CBLB: variants seen among roughly 807,000 people sequenced by gnomAD.
CBLB encodes the protein E3 ubiquitin-protein ligase CBL-B.
CBLB carries 31 observed loss-of-function variants against 104.9 expected under a neutral mutation model. The ratio of observed to expected loss-of-function variants is 0.30; its 90% CI spans 0.22 to 0.40. The LOEUF is 0.40. Among genes scored for constraint, CBLB ranks in the 10% least tolerant of loss-of-function variants. The pLI, the probability that CBLB is intolerant of heterozygous loss-of-function variation, is 1.00. For synonymous variants in CBLB, 440 were observed against 422.6 expected (o/e 1.04, Z -0.51); for missense variants, 1,062 against 1,214.6 (o/e 0.87, Z 1.87).
At chr3:105,861,494 C>A (rs1242834640) in intron 2 of CBLB, among the ~76,000 whole-genome samples, 1 of 151,934 alleles carries the variant, frequency 6.6e-6, no homozygotes, top group East Asian at 1.9e-4. Flanking sequence ...GTGGAAGTTA[C>A]ATTTATTCGC....
At chr3:105,704,543 A>T (rs1042457570) in intron 10 of CBLB, among the ~76,000 whole-genome samples, 5 of 152,066 alleles carry the variant, frequency 3.3e-5, no homozygotes, top group South Asian at 4.1e-4. Flanking sequence ...TATATTATAA[A>T]TTTTTTTGCT....
intron 13 of CBLB, among the ~76,000 whole-genome samples, chr3:105,691,498 C>A (rs12489983): frequency 0.2 from 31,051 of 152,158 alleles, 3,695 homozygotes; most frequent in East Asian, 0.52. Context: ...ATGAAGCACA[C>A]TGCAACTTCC....
intron 3 of CBLB, among the ~76,000 whole-genome samples, chr3:105,829,522 A>G (rs2087104676): frequency 6.6e-6 from 1 of 151,924 alleles, no homozygotes; most frequent in South Asian, 2.1e-4. Context: ...AGCCAGGCAT[A>G]GTGGCATGTA....
intron 3 of CBLB, among the ~76,000 whole-genome samples, chr3:105,837,938 A>G (rs780086125): frequency 6.6e-6 from 1 of 152,162 alleles, no homozygotes; most frequent in Non-Finnish European, 1.5e-5. Flanking sequence ...CTAGGAATAC[A>G]TCAGGATTTT....
intron 3 of CBLB, among the ~76,000 whole-genome samples, chr3:105,815,848 T>C (rs544361960): frequency 5.2e-4 from 79 of 152,230 alleles, no homozygotes; most frequent in African/African-American, 1.5e-3. Context: ...ATATACACCA[T>C]GGAATACTAT....
chr3:105,768,583 A>G (rs899218473), intron 4 of CBLB, among the ~76,000 whole-genome samples: 2 of 152,246 alleles, frequency 1.3e-5, no homozygotes, highest in Non-Finnish European at 2.9e-5. Flanking sequence ...TGAGGCTAGC[A>G]TATGTGAAAG....
rs188443455 is a variant in CBLB, at chr3:105,665,228, C to A, written c.2689+5005G>T. Among the ~76,000 whole-genome samples the A allele has an allele frequency of 8.5e-4, 129 of 151,694 alleles. 1 individual carries two copies. In the East Asian group the frequency reaches 0.022, roughly 26 times the overall value. ...GACCAGCCTGACCAATATGGTGAAACCCTGTCTATACTAAAAATATAAAAA... is the reference window on the plus strand; with the variant it reads ...GACCAGCCTGACCAATATGGTGAAAACCTGTCTATACTAAAAATATAAAAA... On this transcript the variant is annotated intron_variant, in intron 18 of 18. Transcript: ENST00000394030.
chr3:105,698,831 C>T (rs1207332645), intron 12 of CBLB, among the ~76,000 whole-genome samples: 14 of 152,054 alleles, frequency 9.2e-5, no homozygotes, highest in Non-Finnish European at 2.1e-4. Flanking sequence ...TCCCCTTTCT[C>T]TTCACCCGCT....
At chr3:105,698,605 C>CAAAAAAAAA (rs34896633) in intron 12 of CBLB, among the ~76,000 whole-genome samples, 1 of 80,818 alleles carries the variant, frequency 1.2e-5, no homozygotes, top group Non-Finnish European at 2.4e-5. Flanking sequence ...ACCATTTGAC[C>CAAAAAAAAA]AAAAAAAAAA....
Position 105,658,872 on chromosome 3 carries a change from G to C in CBLB, c.*98C>G, listed in dbSNP as rs755926660. On this transcript the variant is annotated 3_prime_UTR_variant, in exon 19 of 19. Coordinates refer to ENST00000394030, the MANE Select transcript of CBLB (RefSeq NM_170662.5). ...TCTTCTCAAGCTGCTACACGAGGAG[G>C]AGACACTTCTCTCTTGAATTCCATC... 40 of 1,320,150 alleles carry C rather than the reference G, an allele frequency of 3.0e-5. No homozygotes were observed. Among genetic ancestry groups the C allele is most frequent in the South Asian group, 4.9e-5 (4 of 81,660 alleles). 81.8% of individuals were successfully genotyped at this position (1,320,150 alleles called of 1,614,324 possible).
At chr3:105,677,928 AC>A (rs1559783222) in intron 17 of CBLB, among the ~76,000 whole-genome samples, 1 of 151,866 alleles carries the variant, frequency 6.6e-6, no homozygotes. Context: ...AAATATCACA[AC>A]AAAACAATAA....
At chr3:105,783,067 T>G (rs1429219471) in intron 3 of CBLB, among the ~76,000 whole-genome samples, 1 of 152,230 alleles carries the variant, frequency 6.6e-6, no homozygotes, top group Non-Finnish European at 1.5e-5. Flanking sequence ...TAATATCCTT[T>G]GAGAAGCTTC....
chr3:105,822,127 G>A (rs1276098658), intron 3 of CBLB, among the ~76,000 whole-genome samples: 1 of 151,890 alleles, frequency 6.6e-6, no homozygotes, highest in Non-Finnish European at 1.5e-5. Flanking sequence ...TTATTCATCT[G>A]CAACTATAAT....
At chr3:105,736,882 T>G (rs1044542992) in intron 8 of CBLB, among the ~76,000 whole-genome samples, 3 of 152,238 alleles carry the variant, frequency 2.0e-5, no homozygotes, top group East Asian at 1.9e-4. Flanking sequence ...TTTTGGTAGC[T>G]TTCTAAACTA....
Position 105,829,707 on chromosome 3 carries a change from C to G in CBLB, c.419+23707G>C, listed in dbSNP as rs551278937. On this transcript the variant is annotated intron_variant, in intron 3 of 18. Transcript: ENST00000394030. The stretch of plus-strand genomic sequence containing the variant: ...AAAAAAAAAAAAAAAAAAAACCAAA[C>G]TGCAGCTATCTTCATAATAATGGAG... 5.8e-5 allele frequency among the ~76,000 whole-genome samples: 3 copies of G among 52,148 alleles called. No homozygotes were observed. In the South Asian group the frequency reaches 3.0e-3, roughly 52 times the overall value. The allele number at this position is 52,148 out of a possible 152,430, so 34.2% of individuals were successfully genotyped here.
intron 4 of CBLB, among the ~76,000 whole-genome samples, chr3:105,775,895 G>T (rs189081529): frequency 2.6e-5 from 4 of 152,242 alleles, no homozygotes; most frequent in East Asian, 3.9e-4. Flanking sequence ...GGATCAGGGT[G>T]CCAGGGCCTT....
At chr3:105,685,263 T>C (rs1576327758) in intron 14 of CBLB, 57 bp downstream of exon 14, 8 of 1,442,840 alleles carry the variant, frequency 5.5e-6, no homozygotes, top group Non-Finnish European at 7.8e-6. Context: ...AAAACAAACA[T>C]TACAAATGAT....
chr3:105,686,340 CT>C lies in CBLB; in HGVS notation c.2055-875del, dbSNP rs1171948005. Among the ~76,000 whole-genome samples, 3 of 152,012 alleles carry C rather than the reference CT, an allele frequency of 2.0e-5. No homozygotes were observed. The East Asian group carries it at 5.8e-4, about 29-fold the overall frequency. Reference sequence around the variant, plus strand: ...AAATGCACAAACTCATCCTGATTCACTTTAGGACGACCAACTAGTTTGCAAG... The same window carrying C: ...AAATGCACAAACTCATCCTGATTCACTTAGGACGACCAACTAGTTTGCAAG... On this transcript the variant is annotated intron_variant, in intron 13 of 18. Coordinates refer to ENST00000394030, the MANE Select transcript of CBLB (RefSeq NM_170662.5).
At chr3:105,775,485 A>G (rs2079352110) in intron 4 of CBLB, among the ~76,000 whole-genome samples, 3 of 152,244 alleles carry the variant, frequency 2.0e-5, no homozygotes, top group Non-Finnish European at 4.4e-5. Context: ...TAAAGGACAA[A>G]TACAGACCTT....
Sources: allele counts gnomAD v4.1 joint callset (sites outside exome capture counted in the v4.1 genomes callset), GRCh38; gene constraint gnomAD v4.1.1; transcripts MANE v1.5; gene names NCBI Gene and HGNC (gene_info 2026-07-23, HGNC 2026-07-21).